The following MAGI1 variants were observed in gnomAD, a reference collection of about 807,000 sequenced individuals.
MAGI1 encodes membrane associated guanylate kinase, WW and PDZ domain containing 1.
MAGI1 carries 58 observed loss-of-function variants against 139.9 expected under a neutral mutation model. The observed-to-expected ratio is 0.41, with a 90% confidence interval of 0.34 to 0.52. MAGI1 has a LOEUF of 0.52. Ranked by LOEUF, MAGI1 falls within the 20% of genes least tolerant of loss-of-function variation. MAGI1 has a pLI of 0.12. For synonymous variants in MAGI1, 812 were observed against 737.9 expected, an observed-to-expected ratio of 1.10 and a Z score of -1.63; for missense variants, 1,874 against 1,901.6, an observed-to-expected ratio of 0.99 and a Z score of 0.27.
chr3:65,440,000 C>A lies in MAGI1; in HGVS notation c.1149G>T (p.Arg383Ser). ...GAACCGGGTTCTCATATTGTGTCTTCCTGTTGATGTGGCTGGGGAAGATAG... is the reference window on the plus strand; with the variant it reads ...GAACCGGGTTCTCATATTGTGTCTTACTGTTGATGTGGCTGGGGAAGATAG... ...YGIYYVDHIN[R>S]KTQYENPVLE... The change falls in exon 9 of 23, where the codon AGG (arginine) becomes AGT (serine). Residue 383 changes from arginine (R) to serine (S), a missense_variant. This residue lies in a region of MAGI1 where 648 missense variants were observed against 598.1 expected (regional missense o/e 1.08). Transcript: ENST00000402939. 6.2e-7 allele frequency: 1 copy of A among 1,613,988 alleles called. No homozygotes were observed. Among genetic ancestry groups the A allele is most frequent in the Non-Finnish European group, 8.5e-7 (1 of 1,179,984 alleles).
At chr3:65,925,666 C>A (rs2062463467) in intron 1 of MAGI1, among the ~76,000 whole-genome samples, 1 of 131,396 alleles carries the variant, frequency 7.6e-6, no homozygotes, top group Admixed American at 7.8e-5. Flanking sequence ...CTCATATAAC[C>A]TTAACCATCC....
chr3:65,428,799 A>C (rs986088775), intron 12 of MAGI1, among the ~76,000 whole-genome samples: 80 of 152,314 alleles, frequency 5.3e-4, no homozygotes, highest in Non-Finnish European at 1.0e-4. Flanking sequence ...AACTGTGATA[A>C]AGATTATATG....
chr3:65,980,987 A>C (rs552575130), intron 1 of MAGI1, among the ~76,000 whole-genome samples: 58 of 152,022 alleles, frequency 3.8e-4, no homozygotes, highest in African/African-American at 1.2e-3. Context: ...AGTAAAACCC[A>C]GTCTCTACTA....
rs545745474 is a variant in MAGI1 at position 65,577,440 on chromosome 3, TA to T, written c.430+44531del. Among the ~76,000 whole-genome samples, 152 of 152,270 alleles carry T rather than the reference TA, an allele frequency of 1.0e-3. 1 individual carries two copies. The highest frequency in any genetic ancestry group is 1.5e-3 in the Non-Finnish European group (102 of 68,020). On this transcript the variant is annotated intron_variant, in intron 2 of 22. Transcript: ENST00000402939. ...ACACGGCTCCTATCTTCACTTAAAA[TA>T]ATTTTGATTAAAAAATATTACATTA...
chr3:65,476,425 G>C (rs909717951), intron 4 of MAGI1, among the ~76,000 whole-genome samples: 2 of 152,094 alleles, frequency 1.3e-5, no homozygotes, highest in African/African-American at 4.8e-5. Context: ...TGATGATCTG[G>C]GCCCACAAGT....
chr3:65,836,515 T>C (rs2042811389), intron 1 of MAGI1, among the ~76,000 whole-genome samples: 1 of 151,992 alleles, frequency 6.6e-6, no homozygotes, highest in Admixed American at 6.6e-5. Flanking sequence ...GGAAAGATGA[T>C]GGTTGTCTAA....
At chr3:65,479,152 C>G (rs1951084377) in intron 3 of MAGI1, among the ~76,000 whole-genome samples, 2 of 152,188 alleles carry the variant, frequency 1.3e-5, no homozygotes, top group East Asian at 3.8e-4. Context: ...CAATTTAGAG[C>G]AAGCCTCACA....
chr3:65,708,792 T>C (rs575130640), intron 1 of MAGI1, among the ~76,000 whole-genome samples: 4 of 152,344 alleles, frequency 2.6e-5, no homozygotes, highest in Non-Finnish European at 4.4e-5. Context: ...ACTGCCATTC[T>C]TCTCAATCAA....
intron 2 of MAGI1, among the ~76,000 whole-genome samples, chr3:65,504,518 T>C (rs73128927): frequency 0.32 from 49,306 of 151,954 alleles, 9,647 homozygotes; most frequent in East Asian, 0.73. Flanking sequence ...TTTTTGTTAC[T>C]AGGTGGGAAC....
intron 1 of MAGI1, among the ~76,000 whole-genome samples, chr3:65,950,608 G>C (rs192797663): frequency 2.6e-4 from 40 of 152,218 alleles, no homozygotes; most frequent in Non-Finnish European, 4.4e-5. Flanking sequence ...ATTAAACTCT[G>C]TTGTTATACC....
chr3:65,699,269 A>C (rs1465466722), intron 1 of MAGI1, among the ~76,000 whole-genome samples: 3 of 121,808 alleles, frequency 2.5e-5, no homozygotes, highest in East Asian at 5.1e-4. Context: ...ACACTTTTAC[A>C]CTGTTGGTGG....
chr3:65,627,692 G>T (rs2107123210), intron 1 of MAGI1, among the ~76,000 whole-genome samples: 1 of 151,500 alleles, frequency 6.6e-6, no homozygotes, highest in African/African-American at 2.4e-5. Context: ...ATTTTTAGTA[G>T]AGATGGGGTT....
At chr3:65,979,103 C>T (rs1259694875) in intron 1 of MAGI1, among the ~76,000 whole-genome samples, 2 of 125,666 alleles carry the variant, frequency 1.6e-5, no homozygotes, top group African/African-American at 6.4e-5. Flanking sequence ...CCCCCCGCCA[C>T]CCCCCACAGC....
At chr3:65,822,047 A>G (rs2036069) in intron 1 of MAGI1, among the ~76,000 whole-genome samples, 99,598 of 152,000 alleles carry the variant, frequency 0.66, 33,187 homozygotes, top group East Asian at 0.95. Context: ...AGGAAATACA[A>G]AGAGCAGAGG....
intron 2 of MAGI1, among the ~76,000 whole-genome samples, chr3:65,577,419 G>A (rs919140348): frequency 5.3e-5 from 8 of 151,810 alleles, no homozygotes; most frequent in African/African-American, 1.7e-4. Flanking sequence ...AATCAAACAC[G>A]GCTCCTATCT....
Position 65,439,739 on chromosome 3 carries a change from C to T in MAGI1, c.1270+140G>A. The T allele has an allele frequency of 2.0e-6, 3 of 1,512,734 alleles. No homozygotes were observed. The South Asian group carries it at 3.8e-5, about 19-fold the overall frequency. The allele number at this position is 1,512,734 out of a possible 1,614,324, so 93.7% of individuals were successfully genotyped here. On this transcript the variant is annotated intron_variant, in intron 9 of 22. Coordinates refer to ENST00000402939, the MANE Select transcript of MAGI1 (RefSeq NM_001033057.2). The stretch of plus-strand genomic sequence containing the variant: ...AACATGGAGAGGGGGTTCTCTTCCT[C>T]CCCACAGGACATCAGCTCTTCAGTG...
intron 6 of MAGI1, among the ~76,000 whole-genome samples, chr3:65,449,023 A>T (rs1278650358): frequency 6.6e-6 from 1 of 150,628 alleles, no homozygotes; most frequent in African/African-American, 2.4e-5. Flanking sequence ...CATGTTAGGT[A>T]CTAAATATTT....
chr3:65,511,766 G>C (rs1176418907), intron 2 of MAGI1, among the ~76,000 whole-genome samples: 1 of 148,142 alleles, frequency 6.8e-6, no homozygotes, highest in Non-Finnish European at 1.5e-5. Flanking sequence ...AGTCAACAAG[G>C]ATACCCAGGA....
intron 1 of MAGI1, among the ~76,000 whole-genome samples, chr3:65,734,081 G>T (rs2034459070): frequency 6.6e-6 from 1 of 152,134 alleles, no homozygotes; most frequent in African/African-American, 2.4e-5. Context: ...CGTCTCAGTC[G>T]ATTTTTCCCA....
Sources: gnomAD v4.1 joint callset for allele counts (sites outside exome capture counted in the v4.1 genomes callset) on GRCh38, gnomAD v4.1.1 for gene constraint, gnomAD v4.1.1 regional missense constraint, MANE v1.5 for transcripts, NCBI Gene and HGNC (gene_info 2026-07-23, HGNC 2026-07-21) for gene names.